The following CYP2C19 variants were observed in gnomAD, a reference collection of about 807,000 sequenced individuals.
CYP2C19 encodes cytochrome P450 2C19.
A neutral mutation model predicts 40.9 loss-of-function variants in CYP2C19; 59 were observed. The observed-to-expected ratio is 1.44, with a 90% CI of 1.17 to 1.79. The LOEUF is 1.79. Ranked by LOEUF, CYP2C19 falls within the 40% of genes most tolerant of loss-of-function variation. CYP2C19 has a pLI of 0.00. For missense variants in CYP2C19, 754 were observed against 596.9 expected (o/e 1.26, Z -2.74); for synonymous variants, 253 against 208.7 (o/e 1.21, Z -1.83).
intron 5 of CYP2C19, among the ~76,000 whole-genome samples, chr10:94,782,884 T>C (rs2134241106): frequency 6.6e-6 from 1 of 152,172 alleles, no homozygotes; most frequent in South Asian, 2.1e-4. Context: ...CCGTATGTTC[T>C]CACTCATAAG....
At chr10:94,774,757 G>A (rs1000377811) in intron 1 of CYP2C19, 1 of 326,398 alleles carries the variant, frequency 3.1e-6, no homozygotes, top group Non-Finnish European at 5.6e-6. Context: ...AAATGAATTT[G>A]TCATTCTCTT....
chr10:94,823,372 G>A lies in CYP2C19; in HGVS notation c.961+2735G>A, dbSNP rs576986094. 3.3e-5 allele frequency among the ~76,000 whole-genome samples: 5 copies of A among 152,254 alleles called. 1 individual carries two copies. In the East Asian group the frequency reaches 7.7e-4, roughly 23 times the overall value. ...AAGGGCAGTGCCAGAAAAGACATGA[G>A]GTGTAGGCTAGAAAGGCAGATTTGG... On this transcript the variant is annotated intron_variant, in intron 6 of 8. Transcript: ENST00000371321.
intron 5 of CYP2C19, among the ~76,000 whole-genome samples, chr10:94,808,675 G>A (rs1413621218): frequency 6.6e-6 from 1 of 152,172 alleles, no homozygotes; most frequent in Non-Finnish European, 1.5e-5. Flanking sequence ...AAATAAGTGA[G>A]AACATGTGAT....
intron 5 of CYP2C19, among the ~76,000 whole-genome samples, chr10:94,818,324 G>C (rs1205348648): frequency 2.0e-5 from 3 of 151,142 alleles, no homozygotes; most frequent in East Asian, 3.9e-4. Flanking sequence ...CAGGTAGTGT[G>C]ATGCCTCCAG....
intron 1 of CYP2C19, among the ~76,000 whole-genome samples, chr10:94,773,277 A>T (rs930937614): frequency 5.3e-5 from 8 of 152,164 alleles, no homozygotes; most frequent in Non-Finnish European, 1.0e-4. Context: ...GACTTCAAGA[A>T]TGAAGCTGCG....
intron 1 of CYP2C19, among the ~76,000 whole-genome samples, chr10:94,766,056 T>G (rs971095852): frequency 6.6e-6 from 1 of 152,090 alleles, no homozygotes; most frequent in African/African-American, 2.4e-5. Context: ...CTATCAGAGA[T>G]GGAGAAGTCA....
At chr10:94,830,364 G>A (rs1220056954) in intron 6 of CYP2C19, among the ~76,000 whole-genome samples, 4 of 152,184 alleles carry the variant, frequency 2.6e-5, no homozygotes, top group Admixed American at 2.0e-4. Context: ...GTGGTGCACC[G>A]TTTTTTAAGC....
In CYP2C19 at chr10:94,852,951, C is replaced by A; in HGVS notation, c.*37C>A. On this transcript the variant is annotated 3_prime_UTR_variant, in exon 9 of 9. Coordinates refer to ENST00000371321, the MANE Select transcript of CYP2C19 (RefSeq NM_000769.4). The stretch of plus-strand genomic sequence containing the variant: ...TGGTCTGGCTGCTCCTGTGCTGTCC[C>A]TGCAGCTCTCTTTCCTCTGGTCCAA... The A allele has an allele frequency of 6.2e-7, 1 of 1,605,172 alleles. No individual in the cohort carries two copies. Among genetic ancestry groups the A allele is most frequent in the Middle Eastern group, 1.7e-4 (1 of 6,014 alleles).
chr10:94,816,644 T>A (rs1245023390), intron 5 of CYP2C19, among the ~76,000 whole-genome samples: 1 of 151,680 alleles, frequency 6.6e-6, no homozygotes, highest in Non-Finnish European at 1.5e-5. Context: ...TAGTTACATA[T>A]GTATACATGT....
intron 3 of CYP2C19, chr10:94,776,060 G>A (rs906649513): frequency 1.9e-5 from 3 of 160,546 alleles, no homozygotes; most frequent in African/African-American, 7.2e-5. Flanking sequence ...GGCCAGTAAT[G>A]ACATTCTACA....
chr10:94,762,759 A>G lies in CYP2C19; in HGVS notation c.54A>G (p.Ser18=), dbSNP rs1848188537. 8 of 1,613,784 alleles carry G rather than the reference A, an allele frequency of 5.0e-6. No individual in the cohort carries two copies. Among genetic ancestry groups the G allele is most frequent in the Non-Finnish European group, 6.8e-6 (8 of 1,179,930 alleles). ...GTCTCTCATGTTTGCTTCTCCTTTC[A>G]ATCTGGAGACAGAGCTCTGGGAGAG... The part of the protein sequence containing the change: ...VLCLSCLLLL[S]IWRQSSGRGK... The change falls in exon 1 of 9, where the codon TCA becomes TCG. Residue 18 remains serine (S), a synonymous_variant. Transcript: ENST00000371321.
chr10:94,777,631 C>T (rs974865201), intron 3 of CYP2C19, among the ~76,000 whole-genome samples: 3 of 152,090 alleles, frequency 2.0e-5, no homozygotes, highest in South Asian at 2.1e-4. Context: ...CCCTTCCTTT[C>T]ATCTTATAAA....
chr10:94,807,791 T>C (rs965131220), intron 5 of CYP2C19, among the ~76,000 whole-genome samples: 2 of 152,146 alleles, frequency 1.3e-5, no homozygotes, highest in African/African-American at 4.8e-5. Flanking sequence ...TGGATATTAA[T>C]CCTGGTCAGA....
intron 5 of CYP2C19, among the ~76,000 whole-genome samples, chr10:94,792,974 A>G (rs936601595): frequency 6.6e-6 from 1 of 152,138 alleles, no homozygotes; most frequent in Non-Finnish European, 1.5e-5. Flanking sequence ...CATTCTCCCC[A>G]TCACTTTCAG....
intron 6 of CYP2C19, among the ~76,000 whole-genome samples, chr10:94,841,176 A>T (rs1289297086): frequency 6.6e-6 from 1 of 152,204 alleles, no homozygotes; most frequent in Non-Finnish European, 1.5e-5. Flanking sequence ...TGAGTGTTAT[A>T]GCTCTACTAA....
intron 6 of CYP2C19, among the ~76,000 whole-genome samples, chr10:94,827,197 C>T (rs1564678120): frequency 6.6e-6 from 1 of 151,642 alleles, no homozygotes; most frequent in Non-Finnish European, 1.5e-5. Context: ...AGGGAGGATT[C>T]CCTCTTTTTC....
chr10:94,850,800 A>G (rs779014964), intron 8 of CYP2C19, among the ~76,000 whole-genome samples: 9 of 152,172 alleles, frequency 5.9e-5, no homozygotes, highest in Non-Finnish European at 1.3e-4. Context: ...TTTGCCAAAT[A>G]ACCATGGATG....
At chr10:94,836,950 C>A (rs1849414017) in intron 6 of CYP2C19, among the ~76,000 whole-genome samples, 1 of 152,182 alleles carries the variant, frequency 6.6e-6, no homozygotes, top group Non-Finnish European at 1.5e-5. Flanking sequence ...TATCCTTGAA[C>A]CCTTGGGGTA....
chr10:94,826,920 C>T (rs552838845), intron 6 of CYP2C19, among the ~76,000 whole-genome samples: 1 of 151,706 alleles, frequency 6.6e-6, no homozygotes, highest in African/African-American at 2.4e-5. Flanking sequence ...TTGAGATAAT[C>T]ATGTGGTTTT....
Sources: gnomAD v4.1 joint callset for allele counts (sites outside exome capture counted in the v4.1 genomes callset) on GRCh38, gnomAD v4.1.1 for gene constraint, MANE v1.5 for transcripts, NCBI Gene and HGNC (gene_info 2026-07-23, HGNC 2026-07-21) for gene names.